The following LHPP variants were observed in gnomAD, a reference collection of about 807,000 sequenced individuals.
The protein encoded by LHPP is hLHPP.
LHPP carries 24 observed loss-of-function variants against 30.3 expected under a neutral mutation model. The ratio of observed to expected loss-of-function variants is 0.79; its 90% CI spans 0.57 to 1.11. The LOEUF (loss-of-function observed/expected upper bound fraction) is 1.11, where lower values mean the gene tolerates loss of function less well. Ranked by LOEUF, LHPP falls within the 50% of genes most tolerant of loss-of-function variation. LHPP has a pLI of 0.00. For missense variants in LHPP, 356 were observed against 367.2 expected (o/e 0.97, Z 0.25); for synonymous variants, 150 against 157.1 (o/e 0.95, Z 0.34).
intron 3 of LHPP, among the ~76,000 whole-genome samples, chr10:124,492,844 A>G (rs1953573391): frequency 6.6e-6 from 1 of 152,218 alleles, no homozygotes; most frequent in African/African-American, 2.4e-5. Context: ...GAGAACAAGC[A>G]TAATGAAGAA....
In LHPP at chr10:124,590,120, C is replaced by T. The variant is rs1391416986; in HGVS notation, c.717-23144C>T. The stretch of plus-strand genomic sequence containing the variant: ...CAAAGAATAGTGTGAACAGCTCATT[C>T]GATTCGTTCATGTGACGTCCTCCCT... On this transcript the variant is annotated intron_variant, in intron 6 of 6. Transcript: ENST00000368842. This position sits in a 1 kb window ranked among gnomAD's most constrained non-coding sequence, Gnocchi z 4.3. Among the ~76,000 whole-genome samples the T allele has an allele frequency of 2.0e-5, 3 of 152,156 alleles. No individual in the cohort carries two copies. The highest frequency in any genetic ancestry group is 6.5e-5 in the Admixed American group (1 of 15,278).
rs540339261 is a variant in LHPP, at chr10:124,538,155, A to G, written c.716+20884A>G. The stretch of plus-strand genomic sequence containing the variant: ...CACACGAGTCTCACCATGCAGGGTC[A>G]CCACGCGAGTCTCACCATGCAGGGT... On this transcript the variant is annotated intron_variant, in intron 6 of 6. Coordinates refer to ENST00000368842, the MANE Select transcript of LHPP (RefSeq NM_022126.4). 3.7e-4 allele frequency among the ~76,000 whole-genome samples: 31 copies of G among 83,738 alleles called. No homozygotes were observed. The East Asian group carries it at 8.2e-3, about 22-fold the overall frequency. 54.9% of individuals were successfully genotyped at this position (83,738 alleles called of 152,430 possible).
At chr10:124,462,167 C>T (rs544674799) in intron 1 of LHPP, among the ~76,000 whole-genome samples, 180 bp downstream of exon 1, 59 of 152,266 alleles carry the variant, frequency 3.9e-4, no homozygotes, top group African/African-American at 7.0e-4. Flanking sequence ...CTGTTGCCCC[C>T]GGCGAGCACC....
chr10:124,555,823 G>A (rs1394241406), intron 6 of LHPP, among the ~76,000 whole-genome samples: 3 of 151,954 alleles, frequency 2.0e-5, no homozygotes, highest in Non-Finnish European at 2.9e-5. Flanking sequence ...TTGAGCTCTT[G>A]TTCTGGGCTC....
At chr10:124,498,660 C>CT (rs552228070) in intron 5 of LHPP, 14,134 of 345,512 alleles carry the variant, frequency 0.041, 20 homozygotes, top group South Asian at 0.058. Flanking sequence ...TTTTCTTTTT[C>CT]TTTTTTTTTT....
intron 1 of LHPP, among the ~76,000 whole-genome samples, chr10:124,469,387 G>A (rs1952660433): frequency 6.6e-6 from 1 of 152,124 alleles, no homozygotes; most frequent in Non-Finnish European, 1.5e-5. Flanking sequence ...CACGGGGGAA[G>A]TAGAAGCTCA....
At chr10:124,575,870 C>G (rs535250001) in intron 6 of LHPP, among the ~76,000 whole-genome samples, 6 of 152,274 alleles carry the variant, frequency 3.9e-5, no homozygotes, top group Admixed American at 3.3e-4. Context: ...GTTGGGTGTG[C>G]GAGGTCGCAG....
intron 6 of LHPP, among the ~76,000 whole-genome samples, chr10:124,524,650 A>G (rs1026479126): frequency 2.6e-5 from 4 of 152,184 alleles, no homozygotes; most frequent in Admixed American, 6.5e-5. Context: ...CCTGGGCAAC[A>G]TAGCGAGACC....
Position 124,516,665 on chromosome 10 carries a change from T to C in LHPP, c.625-515T>C, listed in dbSNP as rs190178673. On this transcript the variant is annotated intron_variant, in intron 5 of 6. Transcript: ENST00000368842. ...CTAGTTTTTGAAATGATACCCAGGC[T>C]GTGAGCATTTCCTCTGTGTGTGTGT... Among the ~76,000 whole-genome samples, 24 of 152,368 alleles carry C rather than the reference T, an allele frequency of 1.6e-4. No individual in the cohort carries two copies. In the East Asian group the frequency reaches 4.2e-3, roughly 27 times the overall value.
Position 124,576,177 on chromosome 10 carries a change from T to C in LHPP, c.717-37087T>C, listed in dbSNP as rs1341825331. 6.6e-6 allele frequency among the ~76,000 whole-genome samples: 1 copy of C among 152,100 alleles called. No homozygotes were observed. Among genetic ancestry groups the C allele is most frequent in the Non-Finnish European group, 1.5e-5 (1 of 68,002 alleles). ...AGGGTGACTTCACATGAGATTATAA[T>C]TGTACTGCCTAATAGAGTGCTCACA... On this transcript the variant is annotated intron_variant, in intron 6 of 6. Coordinates refer to ENST00000368842, the MANE Select transcript of LHPP (RefSeq NM_022126.4). This position sits in a 1 kb window ranked among gnomAD's most constrained non-coding sequence, Gnocchi z 4.2.
In LHPP at chr10:124,595,611, A is replaced by G. The variant is rs143943073; in HGVS notation, c.717-17653A>G. Among the ~76,000 whole-genome samples, 500 of 152,240 alleles carry G rather than the reference A, an allele frequency of 3.3e-3. 3 individuals carry two copies. Among genetic ancestry groups the G allele is most frequent in the Non-Finnish European group, 5.1e-3 (346 of 68,012 alleles). ...CTCAAAGCTAAGTTTTTTCGCTCACATTCCCAGGCTTCTGGTGTAGATATC... is the reference window on the plus strand; with the variant it reads ...CTCAAAGCTAAGTTTTTTCGCTCACGTTCCCAGGCTTCTGGTGTAGATATC... On this transcript the variant is annotated intron_variant, in intron 6 of 6. Coordinates refer to ENST00000368842, the MANE Select transcript of LHPP (RefSeq NM_022126.4).
In LHPP at chr10:124,610,552, T is replaced by A. The variant is rs1240729651; in HGVS notation, c.717-2712T>A. Among the ~76,000 whole-genome samples, 25 of 44,894 alleles carry A rather than the reference T, an allele frequency of 5.6e-4. 8 individuals carry two copies. Among genetic ancestry groups the A allele is most frequent in the East Asian group, 1.3e-3 (2 of 1,596 alleles). 29.5% of individuals were successfully genotyped at this position (44,894 alleles called of 152,430 possible). A position where few individuals can be genotyped will look rare whatever the true frequency, so the allele number is the denominator to read the frequency against. ...AGGGTGCTGATGGAGCGGGTGAGGGTGCGGGTGAGGGTGCTGGTGGAGCGG... is the reference window on the plus strand; with the variant it reads ...AGGGTGCTGATGGAGCGGGTGAGGGAGCGGGTGAGGGTGCTGGTGGAGCGG... On this transcript the variant is annotated intron_variant, in intron 6 of 6. Transcript: ENST00000368842.
chr10:124,584,006 A>T (rs1398540522), intron 6 of LHPP, among the ~76,000 whole-genome samples: 1 of 152,150 alleles, frequency 6.6e-6, no homozygotes, highest in African/African-American at 2.4e-5. Context: ...GGTCCTTTAT[A>T]ATTCCATATG....
chr10:124,591,698 C>T (rs1230948426), intron 6 of LHPP, among the ~76,000 whole-genome samples: 1 of 152,030 alleles, frequency 6.6e-6, no homozygotes, highest in Admixed American at 6.6e-5. Context: ...TCTTTCCTCT[C>T]TTCTAACAAG....
chr10:124,582,229 C>T (rs1399362708), intron 6 of LHPP, among the ~76,000 whole-genome samples: 3 of 152,194 alleles, frequency 2.0e-5, no homozygotes, highest in Non-Finnish European at 4.4e-5. Context: ...TACAGGTATG[C>T]ACCACCATTC....
chr10:124,588,863 C>T (rs1948840970), intron 6 of LHPP, among the ~76,000 whole-genome samples: 2 of 152,032 alleles, frequency 1.3e-5, no homozygotes, highest in Admixed American at 1.3e-4. Flanking sequence ...CACTGGCCCA[C>T]CCTCCACACA....
chr10:124,584,763 T>C (rs1026035268), intron 6 of LHPP, among the ~76,000 whole-genome samples: 1 of 152,206 alleles, frequency 6.6e-6, no homozygotes, highest in Non-Finnish European at 1.5e-5. Context: ...TGGGATGCTT[T>C]TCTGTTTATT....
intron 6 of LHPP, among the ~76,000 whole-genome samples, chr10:124,571,297 A>G (rs929998634): frequency 7.9e-5 from 12 of 152,244 alleles, no homozygotes; most frequent in Non-Finnish European, 1.5e-5. Flanking sequence ...TTGTGTGGAC[A>G]CGTTTCCAGT....
intron 1 of LHPP, among the ~76,000 whole-genome samples, chr10:124,475,601 T>G (rs531096650): frequency 1.3e-5 from 2 of 152,244 alleles, no homozygotes; most frequent in Non-Finnish European, 2.9e-5. Context: ...GTCCAGTAGC[T>G]ACTGTTGGTG....
Sources: allele counts gnomAD v4.1 joint callset (sites outside exome capture counted in the v4.1 genomes callset), GRCh38; gene constraint gnomAD v4.1.1; non-coding constraint Gnocchi (gnomAD v3.1); transcripts MANE v1.5; gene names NCBI Gene and HGNC (gene_info 2026-07-23, HGNC 2026-07-21).